Variants in ADORA2B observed in about 807,000 individuals in gnomAD.
ADORA2B encodes adenosine receptor A2b.
In ADORA2B, 18 loss-of-function variants were observed where a neutral mutation model predicts 20.8. The ratio of observed to expected loss-of-function variants is 0.87; its 90% CI spans 0.60 to 1.29. The LOEUF (loss-of-function observed/expected upper bound fraction) is 1.29. ADORA2B is among the 50% of genes most tolerant of loss of function. ADORA2B has a pLI of 0.00. For synonymous variants in ADORA2B, 179 were observed against 178.3 expected (o/e 1.00, Z -0.03); for missense variants, 441 against 422.7 (o/e 1.04, Z -0.38).
chr17:15,957,762 C>T (rs1029674425), intron 1 of ADORA2B, among the ~76,000 whole-genome samples: 4 of 152,208 alleles, frequency 2.6e-5, no homozygotes, highest in East Asian at 3.9e-4. Flanking sequence ...TCTTCCCTTC[C>T]CCATTTAAAT....
the ADORA2B span, among the ~76,000 whole-genome samples, chr17:15,876,124 G>GT: frequency 4.0e-5 from 6 of 151,754 alleles, no homozygotes; most frequent in African/African-American, 1.5e-4. Context: ...TTTTCCTCCA[G>GT]TATCTCCCTG....
At chr17:15,943,064 G>A (rs115775380), upstream of ADORA2B, among the ~76,000 whole-genome samples, 34 of 152,346 alleles carry the variant, frequency 2.2e-4, no homozygotes, top group African/African-American at 7.9e-4. Context: ...CTGTGGGAAC[G>A]TGATTGGTGG....
the ADORA2B span, among the ~76,000 whole-genome samples, chr17:15,917,533 G>T: frequency 6.6e-6 from 1 of 152,228 alleles, no homozygotes; most frequent in Non-Finnish European, 1.5e-5. Context: ...GACGCCCGAG[G>T]ACCCCTTCCC....
At chr17:15,899,611 T>G in the ADORA2B span, among the ~76,000 whole-genome samples, 75 of 152,264 alleles carry the variant, frequency 4.9e-4, no homozygotes, top group Non-Finnish European at 9.7e-4. Flanking sequence ...TTCCCTCTCT[T>G]GTAGTCCCCA....
chr17:15,915,001 C>G, the ADORA2B span, among the ~76,000 whole-genome samples: 1 of 152,216 alleles, frequency 6.6e-6, no homozygotes, highest in Admixed American at 6.5e-5. Context: ...AACAAATTAT[C>G]ACAAACTCAG....
chr17:15,883,272 T>G, the ADORA2B span, among the ~76,000 whole-genome samples: 1 of 152,244 alleles, frequency 6.6e-6, no homozygotes, highest in East Asian at 1.9e-4. Flanking sequence ...AAGTGCTGTT[T>G]CCTTTAAAAA....
At chr17:15,884,610 C>T in the ADORA2B span, among the ~76,000 whole-genome samples, 4 of 152,182 alleles carry the variant, frequency 2.6e-5, no homozygotes, top group Admixed American at 6.5e-5. Context: ...GTGTTGTTCC[C>T]GCACATGTGT....
chr17:15,957,554 C>T (rs1481612453), intron 1 of ADORA2B, among the ~76,000 whole-genome samples: 7 of 152,114 alleles, frequency 4.6e-5, no homozygotes, highest in Admixed American at 4.6e-4. Flanking sequence ...GATTTCCGGT[C>T]GCCTGGGTGA....
At chr17:15,870,876 C>T in the ADORA2B span, among the ~76,000 whole-genome samples, 4 of 152,168 alleles carry the variant, frequency 2.6e-5, no homozygotes, top group Non-Finnish European at 5.9e-5. Context: ...GAAGATAGAG[C>T]CCCAATAGCA....
At chr17:15,920,903 T>G in the ADORA2B span, among the ~76,000 whole-genome samples, 1 of 152,190 alleles carries the variant, frequency 6.6e-6, no homozygotes, top group African/African-American at 2.4e-5. Flanking sequence ...ATTGCACAAC[T>G]GTAGGCATCT....
At chr17:15,856,845 A>G in the ADORA2B span, among the ~76,000 whole-genome samples, 1 of 152,260 alleles carries the variant, frequency 6.6e-6, no homozygotes, top group East Asian at 1.9e-4. Context: ...GAATATTTGC[A>G]GCCTGACAGT....
At chr17:15,876,257 A>G in the ADORA2B span, among the ~76,000 whole-genome samples, 1 of 151,992 alleles carries the variant, frequency 6.6e-6, no homozygotes, top group Non-Finnish European at 1.5e-5. Flanking sequence ...ATTTTGTGGG[A>G]ATTGTTCCAT....
chr17:15,893,673 G>A, the ADORA2B span, among the ~76,000 whole-genome samples: 1 of 152,212 alleles, frequency 6.6e-6, no homozygotes, highest in Admixed American at 6.5e-5. Flanking sequence ...CCCTGCTGGA[G>A]CACTGTATAT....
At chr17:15,937,858 C>T in the ADORA2B span, among the ~76,000 whole-genome samples, 1 of 152,160 alleles carries the variant, frequency 6.6e-6, no homozygotes, top group Admixed American at 6.5e-5. Context: ...CAGGCGTGAG[C>T]GACCATGCCT....
the ADORA2B span, among the ~76,000 whole-genome samples, chr17:15,905,999 A>T: frequency 1.3e-5 from 2 of 152,262 alleles, no homozygotes; most frequent in African/African-American, 4.8e-5. Context: ...GACTTTGCTA[A>T]ACCTGCATGT....
At chr17:15,955,843 C>T (rs1212578551) in intron 1 of ADORA2B, among the ~76,000 whole-genome samples, 3 of 151,816 alleles carry the variant, frequency 2.0e-5, no homozygotes, top group South Asian at 2.1e-4. Flanking sequence ...CTCAGCCTCT[C>T]GAGTAGCTAG....
chr17:15,870,436 C>T, the ADORA2B span, among the ~76,000 whole-genome samples: 2 of 152,122 alleles, frequency 1.3e-5, no homozygotes, highest in Non-Finnish European at 2.9e-5. Context: ...CCCAGGAGCT[C>T]GAGACCAGGC....
the ADORA2B span, among the ~76,000 whole-genome samples, chr17:15,920,017 G>A: frequency 6.6e-6 from 1 of 152,110 alleles, no homozygotes; most frequent in Non-Finnish European, 1.5e-5. Context: ...GTACCCCAGT[G>A]GCCCCCAGGG....
At chr17:15,923,553 C>T in the ADORA2B span, among the ~76,000 whole-genome samples, 291 of 151,928 alleles carry the variant, frequency 1.9e-3, 2 homozygotes, top group African/African-American at 6.6e-3. Flanking sequence ...TACAGGCGCC[C>T]ACCACCACGC....
Sources: allele counts gnomAD v4.1 joint callset (sites outside exome capture counted in the v4.1 genomes callset), GRCh38; gene constraint gnomAD v4.1.1; transcripts MANE v1.5; gene names NCBI Gene and HGNC (gene_info 2026-07-23, HGNC 2026-07-21).